ACSF3: variants seen among roughly 807,000 people sequenced by gnomAD.
ACSF3 encodes the protein malonate--CoA ligase ACSF3, mitochondrial.
Under a neutral mutation model 53.2 loss-of-function variants are expected in ACSF3, and 78 were observed. That is an observed-to-expected ratio of 1.47 (90% CI 1.22 to 1.77). The LOEUF is 1.77. ACSF3 is among the 40% of genes most tolerant of loss of function. The pLI, the probability that ACSF3 is intolerant of heterozygous loss-of-function variation, is 0.00. For synonymous variants in ACSF3, 414 were observed against 333.1 expected, an observed-to-expected ratio of 1.24 and a Z score of -2.65; for missense variants, 937 against 771.1, an observed-to-expected ratio of 1.22 and a Z score of -2.55.
At chr16:89,114,857 C>T in intron 6 of ACSF3, 1 of 361,986 alleles carries the variant, frequency 2.8e-6, no homozygotes, top group South Asian at 2.2e-5. Context: ...CAGCCTCCGT[C>T]TGTCTGGAGT....
chr16:89,108,498 T>C (rs1391253113), intron 4 of ACSF3, among the ~76,000 whole-genome samples: 1 of 152,196 alleles, frequency 6.6e-6, no homozygotes, highest in African/African-American at 2.4e-5. Context: ...AAATTCATTA[T>C]TGTAAATTTT....
intron 7 of ACSF3, among the ~76,000 whole-genome samples, chr16:89,125,334 ACT>A (rs1362598813): frequency 9.9e-6 from 1 of 101,244 alleles, no homozygotes; most frequent in African/African-American, 4.1e-5. Flanking sequence ...CAAGAGCAAA[ACT>A]CTGTCTCAAA....
At chr16:89,108,104 G>A (rs1202934102) in intron 4 of ACSF3, among the ~76,000 whole-genome samples, 1 of 152,166 alleles carries the variant, frequency 6.6e-6, no homozygotes, top group African/African-American at 2.4e-5. Context: ...TCACTATCAT[G>A]AGAATAGCAC....
Position 89,145,335 on chromosome 16 carries a change from A to G in ACSF3, c.1435A>G (p.Thr479Ala), listed in dbSNP as rs932971590. ...RGRTSVDIIK[T>A]GGYKVSALEV... ...CCGGACCTCAGTGGACATCATCAAG[A>G]CTGGAGGCTACAAGGTCAGCGCCCT... The change falls in exon 9 of 11, where the codon ACT becomes GCT. Residue 479 changes from threonine to alanine, a missense_variant. Physicochemically the swap from Thr to Ala is moderately conservative, Grantham distance 58. Transcript: ENST00000614302. 5 of 1,614,010 alleles carry G rather than the reference A, an allele frequency of 3.1e-6. No homozygotes were observed. In the African/African-American group the frequency reaches 6.7e-5, roughly 22 times the overall value.
At chr16:89,151,005 A>C (rs1231328784) in intron 10 of ACSF3, 1 of 1,287,346 alleles carries the variant, frequency 7.8e-7, no homozygotes. Context: ...AATTTCCCCA[A>C]ACCAAAGGTC....
chr16:89,126,794 C>A (rs137980106), intron 7 of ACSF3, among the ~76,000 whole-genome samples: 3 of 152,340 alleles, frequency 2.0e-5, no homozygotes, highest in African/African-American at 7.2e-5. Context: ...ATGACCAAAG[C>A]CCTGACTAGG....
chr16:89,100,667 C>CCCCAGGAGGCTCCCGGGAA lies in ACSF3; in HGVS notation c.-14_-13insCCAGGAGGCTCCCGGGAAC. 6.3e-7 allele frequency: 1 copy of CCCCAGGAGGCTCCCGGGAA among 1,588,688 alleles called. No homozygotes were observed. Among genetic ancestry groups the CCCCAGGAGGCTCCCGGGAA allele is most frequent in the Middle Eastern group, 1.8e-4 (1 of 5,440 alleles). On this transcript the variant is annotated 5_prime_UTR_variant, in exon 3 of 11. Transcript: ENST00000614302. The stretch of plus-strand genomic sequence containing the variant: ...TGTGCCTTGCCTTTCTCCAGCTCGG[C>CCCCAGGAGGCTCCCGGGAA]CGCCTGTCAGTGCAATGCTGCCCCA...
chr16:89,120,878 A>G lies in ACSF3; in HGVS notation c.1204A>G (p.Thr402Ala), dbSNP rs367891462. Residue 402 changes from threonine to alanine, a missense_variant, in exon 7 of 11, where the codon ACC (threonine) becomes GCC (alanine). Coordinates refer to ENST00000614302, the MANE Select transcript of ACSF3 (RefSeq NM_001243279.3). ...ENPQREACSY[T>A]IHAEGDERGT... ...CCCACAGAGGGAAGCCTGCTCCTAC[A>G]CCATCCACGCAGAGGGAGACGAGAG... The G allele has an allele frequency of 3.7e-6, 6 of 1,613,750 alleles. No homozygotes were observed. In the African/African-American group the frequency reaches 5.3e-5, roughly 14 times the overall value.
intron 7 of ACSF3, 118 bp downstream of exon 7, chr16:89,121,031 C>T (rs1034166014): frequency 4.6e-6 from 4 of 878,068 alleles, no homozygotes; most frequent in African/African-American, 1.7e-5. Flanking sequence ...AGGGGACCAG[C>T]CCCCTGGACA....
At chr16:89,117,199 C>CA (rs1209733456) in intron 6 of ACSF3, among the ~76,000 whole-genome samples, 1 of 152,226 alleles carries the variant, frequency 6.6e-6, no homozygotes, top group African/African-American at 2.4e-5. Context: ...GTTTGTAGTT[C>CA]ATGATGACTG....
At chr16:89,138,641 C>T (rs1428468992) in intron 8 of ACSF3, among the ~76,000 whole-genome samples, 5 of 152,226 alleles carry the variant, frequency 3.3e-5, no homozygotes, top group Admixed American at 2.0e-4. Flanking sequence ...AGCCATATGT[C>T]CACGCTGACA....
chr16:89,146,148 A>G, intron 10 of ACSF3, 99 bp downstream of exon 10: 3 of 865,334 alleles, frequency 3.5e-6, no homozygotes, highest in Non-Finnish European at 3.7e-6. Flanking sequence ...TTAGAGGTGG[A>G]GATGAGGGAT....
In ACSF3 at chr16:89,093,885, G is replaced by T. The variant is rs1273815028; in HGVS notation, c.-305G>T. The T allele has an allele frequency of 1.2e-5, 4 of 320,784 alleles. 1 individual carries two copies. Among genetic ancestry groups the T allele is most frequent in the Non-Finnish European group, 2.6e-5 (4 of 153,664 alleles). The allele number at this position is 320,784 out of a possible 1,614,324, so 19.9% of individuals were successfully genotyped here. On this transcript the variant is annotated 5_prime_UTR_variant, in exon 1 of 11. Coordinates refer to ENST00000614302, the MANE Select transcript of ACSF3 (RefSeq NM_001243279.3). Reference sequence around the variant, plus strand: ...CCGGAACTGGTCCGGCCCGACTCACGACCCCGCGGGACCCGGCCGGAACCC... The same window carrying T: ...CCGGAACTGGTCCGGCCCGACTCACTACCCCGCGGGACCCGGCCGGAACCC...
intron 10 of ACSF3, chr16:89,150,957 TC>T (rs1343077152): frequency 1.6e-6 from 2 of 1,277,056 alleles, no homozygotes; most frequent in Non-Finnish European, 2.0e-6. Flanking sequence ...TAATGGGAGT[TC>T]CAACAAGAAG....
intron 10 of ACSF3, chr16:89,149,502 T>G (rs1913714581): frequency 1.3e-5 from 2 of 150,658 alleles, no homozygotes; most frequent in Admixed American, 6.6e-5. Flanking sequence ...GGGCCATGCT[T>G]GGCTTATGCA....
At chr16:89,109,860 T>C (rs966340658) in intron 4 of ACSF3, among the ~76,000 whole-genome samples, 1 of 152,256 alleles carries the variant, frequency 6.6e-6, no homozygotes, top group Non-Finnish European at 1.5e-5. Flanking sequence ...GTGCCGGGAT[T>C]ACGGGCATGA....
chr16:89,102,678 C>G lies in ACSF3; in HGVS notation c.741C>G (p.Val247=), dbSNP rs773357766. Reference sequence around the variant, plus strand: ...TCCACGTGCTCCCGCTGCACCACGTCCATGGTGTGGTCAACGCGCTGCTCT... The same window carrying G: ...TCCACGTGCTCCCGCTGCACCACGTGCATGGTGTGGTCAACGCGCTGCTCT... The part of the protein sequence containing the change: ...VILHVLPLHH[V]HGVVNALLCP... Residue 247 remains valine, a synonymous_variant, in exon 4 of 11, where the codon GTC becomes GTG. Coordinates refer to ENST00000614302, the MANE Select transcript of ACSF3 (RefSeq NM_001243279.3). 2 of 1,613,916 alleles carry G rather than the reference C, an allele frequency of 1.2e-6. No homozygotes were observed. The highest frequency in any genetic ancestry group is 2.2e-5 in the East Asian group (1 of 44,880).
intron 10 of ACSF3, chr16:89,148,093 CTTTTTTGGTTTTTTT>C (rs1442592671): frequency 8.8e-4 from 121 of 137,310 alleles, no homozygotes; most frequent in African/African-American, 3.2e-3. Context: ...TTGGTTTCTT[CTTTTTTGGTTTTTTT>C]TTTTTTTTTT....
rs1483231269 is a variant in ACSF3 at position 89,141,325 on chromosome 16, C to T, written c.1367-3942C>T. ...GGGAATGGGCAGGGAGATGTCGACC[C>T]TCGGAGCTGAGACTGCTCTGTGCTG... is the stretch of plus-strand genomic sequence containing the variant. On this transcript the variant is annotated intron_variant, in intron 8 of 10. Coordinates refer to ENST00000614302, the MANE Select transcript of ACSF3 (RefSeq NM_001243279.3). The T allele has an allele frequency of 5.5e-6, 7 of 1,280,552 alleles. No homozygotes were observed. The African/African-American group carries it at 9.1e-5, about 17-fold the overall frequency. The allele number at this position is 1,280,552 out of a possible 1,614,324, so 79.3% of individuals were successfully genotyped here. A position where few individuals can be genotyped will look rare whatever the true frequency, so the allele number is the denominator to read the frequency against.
Sources: allele counts gnomAD v4.1 joint callset (sites outside exome capture counted in the v4.1 genomes callset), GRCh38; gene constraint gnomAD v4.1.1; transcripts MANE v1.5; gene names NCBI Gene and HGNC (gene_info 2026-07-23, HGNC 2026-07-21).